The following MGAT4C variants were observed in gnomAD, a reference collection of about 807,000 sequenced individuals.
The protein encoded by MGAT4C is alpha-1,3-mannosyl-glycoprotein 4-beta-N-acetylglucosaminyltransferase C.
In MGAT4C, 19 loss-of-function variants were observed where a neutral mutation model predicts 40.1. The observed-to-expected ratio is 0.47, with a 90% CI of 0.33 to 0.70. The LOEUF (loss-of-function observed/expected upper bound fraction) is 0.70, where lower values mean the gene tolerates loss of function less well. Ranked by LOEUF, MGAT4C falls within the 30% of genes least tolerant of loss-of-function variation. The pLI, the probability that MGAT4C is intolerant of heterozygous loss-of-function variation, is 0.02. For missense variants in MGAT4C, 491 were observed against 563.2 expected (o/e 0.87, Z 1.30); for synonymous variants, 181 against 187.1 (o/e 0.97, Z 0.27).
intron 3 of MGAT4C, among the ~76,000 whole-genome samples, chr12:85,987,960 T>C (rs890241843): frequency 3.0e-4 from 45 of 152,228 alleles, no homozygotes; most frequent in African/African-American, 1.0e-3. Context: ...AATCTCTAGT[T>C]AACTTACAAT....
At chr12:86,039,593 A>G (rs1208679247) in intron 2 of MGAT4C, among the ~76,000 whole-genome samples, 3 of 152,014 alleles carry the variant, frequency 2.0e-5, no homozygotes, top group Non-Finnish European at 4.4e-5. Flanking sequence ...GTTTTTCCCT[A>G]AACTGGTTAT....
At chr12:86,145,710 T>G (rs574664550) in intron 1 of MGAT4C, among the ~76,000 whole-genome samples, 104 of 152,282 alleles carry the variant, frequency 6.8e-4, no homozygotes, top group African/African-American at 2.4e-3. Flanking sequence ...TTTATTTACC[T>G]TACCTATTTA....
chr12:86,593,763 C>T (rs746995739), intron 2 of MGAT4C, among the ~76,000 whole-genome samples: 7 of 151,752 alleles, frequency 4.6e-5, no homozygotes, highest in Non-Finnish European at 1.0e-4. Context: ...AGATTTTTTT[C>T]GGCTGCATAT....
At chr12:86,774,319 C>CTTTCTTTCTTTCTTTCCTTTCT (rs1951702503) in intron 1 of MGAT4C, among the ~76,000 whole-genome samples, 1 of 93,620 alleles carries the variant, frequency 1.1e-5, no homozygotes. Flanking sequence ...TTCTTTCTTT[C>CTTTCTTTCTTTCTTTCCTTTCT]TTTCTTTCTT....
chr12:85,980,755 G>A lies in MGAT4C; in HGVS notation c.296-325C>T, dbSNP rs12819021. Among the ~76,000 whole-genome samples, 925 of 151,898 alleles carry A rather than the reference G, an allele frequency of 6.1e-3. 5 individuals are homozygous for A. The highest frequency in any genetic ancestry group is 0.011 in the Non-Finnish European group (732 of 67,914). On this transcript the variant is annotated intron_variant, in intron 4 of 4. Coordinates refer to ENST00000611864, the MANE Select transcript of MGAT4C (RefSeq NM_001351288.2). ...TCTGCAGCTTAATATTCTCATATAC[G>A]CCCATTAGAGAAGGTAGACAGGTAC...
intron 3 of MGAT4C, among the ~76,000 whole-genome samples, chr12:86,378,216 T>C (rs1268417176): frequency 2.0e-5 from 3 of 152,174 alleles, no homozygotes; most frequent in Non-Finnish European, 4.4e-5. Context: ...TTGGGGTATA[T>C]ACCCAGAGTG....
intron 1 of MGAT4C, among the ~76,000 whole-genome samples, chr12:86,804,177 AAC>A (rs1952295191): frequency 6.6e-6 from 1 of 150,862 alleles, no homozygotes; most frequent in African/African-American, 2.4e-5. Context: ...CAAAAAACCA[AAC>A]ACTGCATATT....
At chr12:86,235,650 A>T (rs1951503068) in intron 1 of MGAT4C, among the ~76,000 whole-genome samples, 3 of 152,114 alleles carry the variant, frequency 2.0e-5, no homozygotes, top group South Asian at 4.1e-4. Context: ...TACTTGGCTA[A>T]TTCTGTTCAT....
At chr12:86,063,643 ATT>A (rs1273714582) in intron 1 of MGAT4C, among the ~76,000 whole-genome samples, 4 of 152,218 alleles carry the variant, frequency 2.6e-5, no homozygotes, top group African/African-American at 9.6e-5. Context: ...GGTGTGCTGT[ATT>A]CAGGAGACCC....
At chr12:86,012,289 T>C (rs372971301) in intron 2 of MGAT4C, among the ~76,000 whole-genome samples, 207 of 152,324 alleles carry the variant, frequency 1.4e-3, no homozygotes, top group Middle Eastern at 3.4e-3. Context: ...TCATCACAAG[T>C]TTCTGATCCA....
chr12:86,650,552 G>T (rs1321902049), intron 2 of MGAT4C, among the ~76,000 whole-genome samples: 1 of 151,814 alleles, frequency 6.6e-6, no homozygotes, highest in African/African-American at 2.4e-5. Context: ...GACTGAAATT[G>T]GGCAGCCCAG....
At chr12:86,747,340 T>C (rs1397139015) in intron 1 of MGAT4C, among the ~76,000 whole-genome samples, 2 of 151,638 alleles carry the variant, frequency 1.3e-5, no homozygotes, top group Non-Finnish European at 1.5e-5. Flanking sequence ...TGTTAGAGAA[T>C]TTAAATGGCT....
At chr12:86,296,247 A>C (rs1592662054) in intron 4 of MGAT4C, among the ~76,000 whole-genome samples, 1 of 151,848 alleles carries the variant, frequency 6.6e-6, no homozygotes, top group East Asian at 1.9e-4. Context: ...CCTTGAGCTA[A>C]ACACAGGGTG....
intron 2 of MGAT4C, among the ~76,000 whole-genome samples, chr12:86,454,877 T>G (rs936438628): frequency 3.3e-5 from 5 of 152,108 alleles, no homozygotes; most frequent in African/African-American, 7.2e-5. Flanking sequence ...TCCAACAAAT[T>G]TTATGTTGTT....
intron 2 of MGAT4C, among the ~76,000 whole-genome samples, chr12:86,452,538 T>C (rs1280116863): frequency 6.6e-6 from 1 of 152,058 alleles, no homozygotes; most frequent in Admixed American, 6.6e-5. Flanking sequence ...ATTTGTGTTT[T>C]AGGGGGTGGA....
intron 2 of MGAT4C, among the ~76,000 whole-genome samples, chr12:86,695,719 C>G (rs909247478): frequency 6.6e-6 from 1 of 151,658 alleles, no homozygotes; most frequent in Non-Finnish European, 1.5e-5. Context: ...ATCTAAAAAT[C>G]AAAACAATCG....
chr12:86,371,918 A>C (rs1335868417), intron 3 of MGAT4C, among the ~76,000 whole-genome samples: 2 of 152,014 alleles, frequency 1.3e-5, no homozygotes, highest in Non-Finnish European at 2.9e-5. Context: ...CCTGGAAATA[A>C]AAAATGTGAA....
intron 2 of MGAT4C, among the ~76,000 whole-genome samples, chr12:86,666,888 C>T (rs1030546409): frequency 2.0e-5 from 3 of 152,036 alleles, no homozygotes; most frequent in Non-Finnish European, 4.4e-5. Flanking sequence ...AAGATGAAAA[C>T]ATCTTTATTC....
At chr12:86,801,957 T>C (rs555347030) in intron 1 of MGAT4C, among the ~76,000 whole-genome samples, 2 of 151,986 alleles carry the variant, frequency 1.3e-5, no homozygotes, top group Middle Eastern at 3.4e-3. Flanking sequence ...AACTGGCCCA[T>C]TGTTTTCTAC....
Sources: gnomAD v4.1 joint callset for allele counts (sites outside exome capture counted in the v4.1 genomes callset) on GRCh38, gnomAD v4.1.1 for gene constraint, MANE v1.5 for transcripts, NCBI Gene and HGNC (gene_info 2026-07-23, HGNC 2026-07-21) for gene names.